Variants in DGKB observed in about 807,000 individuals in gnomAD.
The protein encoded by DGKB is 90 kDa diacylglycerol kinase.
DGKB carries 67 observed loss-of-function variants against 114.3 expected under a neutral mutation model. The observed-to-expected ratio is 0.59, with a 90% CI of 0.48 to 0.72. The LOEUF (loss-of-function observed/expected upper bound fraction) is 0.72. Among genes scored for constraint, DGKB ranks in the 30% least tolerant of loss-of-function variants. DGKB has a pLI of 0.00. For missense variants in DGKB, 907 were observed against 975.2 expected (o/e 0.93, Z 0.93); for synonymous variants, 398 against 323.1 (o/e 1.23, Z -2.49).
intron 20 of DGKB, among the ~76,000 whole-genome samples, chr7:14,485,021 T>C (rs748578429): frequency 6.6e-6 from 1 of 151,096 alleles, no homozygotes; most frequent in Non-Finnish European, 1.5e-5. Context: ...AAAGTAATTA[T>C]AAATATATAG....
chr7:14,481,768 AC>A (rs1306012418), intron 20 of DGKB, among the ~76,000 whole-genome samples: 5 of 151,868 alleles, frequency 3.3e-5, no homozygotes, highest in African/African-American at 1.2e-4. Context: ...CTGTGTGCAA[AC>A]TTTTCTTTTT....
chr7:14,956,919 G>C (rs1786541065), intron 1 of DGKB, among the ~76,000 whole-genome samples: 1 of 151,556 alleles, frequency 6.6e-6, no homozygotes, highest in South Asian at 2.1e-4. Context: ...CTTTCTTCCT[G>C]TCTGCTACCT....
intron 1 of DGKB, among the ~76,000 whole-genome samples, chr7:14,958,324 T>C (rs36902): frequency 0.36 from 54,089 of 151,548 alleles, 10,168 homozygotes; most frequent in African/African-American, 0.47. Context: ...AACGCAATGG[T>C]TTTATTTTAG....
intron 2 of DGKB, among the ~76,000 whole-genome samples, chr7:14,780,431 A>G (rs1275928632): frequency 6.6e-6 from 1 of 152,232 alleles, no homozygotes; most frequent in East Asian, 1.9e-4. Flanking sequence ...CAATAGGCAT[A>G]TAATAGTGTT....
intron 1 of DGKB, among the ~76,000 whole-genome samples, chr7:14,897,070 C>T (rs1440375239): frequency 1.3e-5 from 2 of 151,776 alleles, no homozygotes; most frequent in African/African-American, 2.4e-5. Flanking sequence ...TTTCTCATCC[C>T]ATCTGTCCTT....
chr7:14,748,687 T>C (rs1833711050), intron 4 of DGKB, among the ~76,000 whole-genome samples: 1 of 152,046 alleles, frequency 6.6e-6, no homozygotes, highest in Non-Finnish European at 1.5e-5. Context: ...GTGGAGTGAG[T>C]TTTTAGTAGG....
At chr7:14,461,909 G>A (rs945473784) in intron 21 of DGKB, among the ~76,000 whole-genome samples, 1 of 152,144 alleles carries the variant, frequency 6.6e-6, no homozygotes, top group African/African-American at 2.4e-5. Flanking sequence ...TATCTGCAAC[G>A]ATCACCTTGA....
At chr7:14,525,759 T>C (rs907074449) in intron 20 of DGKB, among the ~76,000 whole-genome samples, 1 of 152,136 alleles carries the variant, frequency 6.6e-6, no homozygotes, top group Non-Finnish European at 1.5e-5. Context: ...ATAGAAAAAT[T>C]TTGTTTTGGT....
chr7:14,630,121 T>A, intron 14 of DGKB, 115 bp downstream of exon 14: 1 of 575,654 alleles, frequency 1.7e-6, no homozygotes, highest in East Asian at 3.4e-5. Context: ...AAAAATAAAA[T>A]ATAACATGCT....
intron 1 of DGKB, among the ~76,000 whole-genome samples, chr7:14,865,086 C>A (rs1851515623): frequency 7.3e-5 from 1 of 13,738 alleles, no homozygotes; most frequent in Admixed American, 1.6e-3. Context: ...GAATTGATGA[C>A]CTATTGGTGA....
At chr7:14,771,120 G>A (rs1477166072) in intron 2 of DGKB, among the ~76,000 whole-genome samples, 1 of 152,090 alleles carries the variant, frequency 6.6e-6, no homozygotes. Context: ...CCTGGCACCT[G>A]GACCCATCTG....
chr7:14,972,966 A>G (rs1017300705), intron 1 of DGKB, among the ~76,000 whole-genome samples: 1 of 152,062 alleles, frequency 6.6e-6, no homozygotes, highest in Non-Finnish European at 1.5e-5. Context: ...AAATCCAACT[A>G]ATGCTTGTAT....
At chr7:14,256,640 T>C (rs1796013867) in intron 23 of DGKB, among the ~76,000 whole-genome samples, 1 of 152,042 alleles carries the variant, frequency 6.6e-6, no homozygotes, top group Non-Finnish European at 1.5e-5. Flanking sequence ...ATAGCCAGAG[T>C]GGATATTTTG....
intron 21 of DGKB, among the ~76,000 whole-genome samples, chr7:14,378,618 A>C (rs1223964503): frequency 6.6e-6 from 1 of 152,074 alleles, no homozygotes; most frequent in Non-Finnish European, 1.5e-5. Context: ...ATGATCCAAC[A>C]CCTCTCCTAG....
chr7:14,222,932 ACT>A (rs1227898164), intron 23 of DGKB, among the ~76,000 whole-genome samples: 1 of 151,090 alleles, frequency 6.6e-6, no homozygotes, highest in African/African-American at 2.4e-5. Context: ...TTTGTTTTAA[ACT>A]CTATCAGTAT....
rs138978833 is a variant in DGKB at position 14,657,866 on chromosome 7, G to A, written c.1134+15063C>T. 8.9e-4 allele frequency among the ~76,000 whole-genome samples: 136 copies of A among 151,964 alleles called. 1 individual carries two copies. The Middle Eastern group carries it at 0.017, about 19-fold the overall frequency. ...GGGATTGTCATTATTAACTCTTGCCGATAAAAGTCAGATGAAAAAATCTAC... is the reference window on the plus strand; with the variant it reads ...GGGATTGTCATTATTAACTCTTGCCAATAAAAGTCAGATGAAAAAATCTAC... On this transcript the variant is annotated intron_variant, in intron 13 of 25. Coordinates refer to ENST00000402815, the MANE Select transcript of DGKB (RefSeq NM_001350709.2).
chr7:14,427,815 A>T (rs1005293240), intron 21 of DGKB, among the ~76,000 whole-genome samples: 1 of 152,138 alleles, frequency 6.6e-6, no homozygotes, highest in Non-Finnish European at 1.5e-5. Context: ...GGTCTCTCCC[A>T]CAACATGTGG....
chr7:14,449,565 T>C (rs1831182665), intron 21 of DGKB, among the ~76,000 whole-genome samples: 1 of 152,030 alleles, frequency 6.6e-6, no homozygotes, highest in Non-Finnish European at 1.5e-5. Context: ...AACCATCTGC[T>C]CTGGGAGGCA....
At chr7:14,208,864 A>G (rs945692846) in intron 23 of DGKB, among the ~76,000 whole-genome samples, 1 of 147,624 alleles carries the variant, frequency 6.8e-6, no homozygotes, top group Non-Finnish European at 1.5e-5. Flanking sequence ...AAGAATATTC[A>G]TAGCCTCCTG....
Sources: allele counts gnomAD v4.1 joint callset (sites outside exome capture counted in the v4.1 genomes callset), GRCh38; gene constraint gnomAD v4.1.1; transcripts MANE v1.5; gene names NCBI Gene and HGNC (gene_info 2026-07-23, HGNC 2026-07-21).